Variants in BACH2 observed in about 807,000 individuals in gnomAD.
The protein encoded by BACH2 is transcription regulator protein BACH2.
A neutral mutation model predicts 61.8 loss-of-function variants in BACH2; 5 were observed. That is an observed-to-expected ratio of 0.08 (90% CI 0.04 to 0.17). BACH2 has a LOEUF of 0.17. BACH2 is among the 10% of genes least tolerant of loss of function. The pLI is 1.00. For missense variants in BACH2, 824 were observed against 1,091.1 expected (o/e 0.76, Z 3.45); for synonymous variants, 446 against 440.1 (o/e 1.01, Z -0.17).
intron 5 of BACH2, among the ~76,000 whole-genome samples, chr6:90,041,344 T>G (rs991817711): frequency 6.6e-6 from 1 of 151,714 alleles, no homozygotes; most frequent in South Asian, 2.1e-4. Flanking sequence ...CCATCACTTC[T>G]GATTTTATAA....
At chr6:90,175,484 A>G (rs990859751) in intron 4 of BACH2, among the ~76,000 whole-genome samples, 1 of 152,192 alleles carries the variant, frequency 6.6e-6, no homozygotes, top group East Asian at 1.9e-4. Context: ...AAATGTCAAA[A>G]AGGCTTGACT....
At position 90,080,875 on chromosome 6, in the gene BACH2, A is replaced by T. The variant is rs912031169; in HGVS notation, c.-13+8086T>A. ...GCGCGGTACTCGAGCAGCTCTGATG[A>T]GATGTCTCAGAAAATCTTTTTTGGG... On this transcript the variant is annotated intron_variant, in intron 5 of 8. Transcript: ENST00000257749. 4.5e-6 allele frequency: 3 copies of T among 661,100 alleles called. No homozygotes were observed. In the African/African-American group the frequency reaches 5.9e-5, roughly 13 times the overall value. The allele number at this position is 661,100 out of a possible 1,614,324, so 41.0% of individuals were successfully genotyped here.
intron 4 of BACH2, among the ~76,000 whole-genome samples, chr6:90,130,000 G>A (rs1161361894): frequency 1.3e-5 from 2 of 152,124 alleles, no homozygotes; most frequent in East Asian, 1.9e-4. Flanking sequence ...CTCCCGAGTA[G>A]CTGGGATTAC....
rs114169923 is a variant in BACH2, at chr6:90,191,551, C to T, written c.-162+15018G>A. Among the ~76,000 whole-genome samples, 607 of 152,252 alleles carry T rather than the reference C, an allele frequency of 4.0e-3. 4 individuals are homozygous for T. The highest frequency in any genetic ancestry group is 0.013 in the African/African-American group (550 of 41,552). ...ATACGCTTAGGACATTCCAATGTGA[C>T]GGAATGGAAACGTGCATGGATTTTG... On this transcript the variant is annotated intron_variant, in intron 4 of 8. Coordinates refer to ENST00000257749, the MANE Select transcript of BACH2 (RefSeq NM_021813.4).
intron 2 of BACH2, among the ~76,000 whole-genome samples, chr6:90,268,862 G>C (rs1771429404): frequency 6.6e-6 from 1 of 152,006 alleles, no homozygotes; most frequent in Admixed American, 6.6e-5. Flanking sequence ...TATGAAAAAA[G>C]ATACTAAATA....
At chr6:90,233,909 A>G (rs1770179140) in intron 3 of BACH2, among the ~76,000 whole-genome samples, 1 of 152,172 alleles carries the variant, frequency 6.6e-6, no homozygotes, top group Non-Finnish European at 1.5e-5. Context: ...TAGCCTTGGG[A>G]TAGAATTATC....
chr6:90,238,217 A>G (rs1233153328), intron 3 of BACH2, among the ~76,000 whole-genome samples: 1 of 152,184 alleles, frequency 6.6e-6, no homozygotes, highest in Admixed American at 6.5e-5. Context: ...GTTCTCTCTT[A>G]TCGATCGATC....
chr6:90,185,664 C>T (rs150718267), intron 4 of BACH2, among the ~76,000 whole-genome samples: 4 of 152,170 alleles, frequency 2.6e-5, no homozygotes, highest in South Asian at 2.1e-4. Flanking sequence ...GTGGATGAAA[C>T]GACATCTGAT....
rs116917379 is a variant in BACH2, at chr6:90,029,118, C to G, written c.-12-20262G>C. Among the ~76,000 whole-genome samples, 468 of 152,282 alleles carry G rather than the reference C, an allele frequency of 3.1e-3. 16 individuals are homozygous for G. In the East Asian group the frequency reaches 0.083, roughly 27 times the overall value. ...CCTGCCCACCTAACACCCAGACTCTCCCGGCCTGCTTCCTATCTCTGGAAA... is the reference window on the plus strand; with the variant it reads ...CCTGCCCACCTAACACCCAGACTCTGCCGGCCTGCTTCCTATCTCTGGAAA... On this transcript the variant is annotated intron_variant, in intron 5 of 8. Coordinates refer to ENST00000257749, the MANE Select transcript of BACH2 (RefSeq NM_021813.4).
At chr6:90,132,895 C>T (rs1332043972) in intron 4 of BACH2, among the ~76,000 whole-genome samples, 1 of 152,176 alleles carries the variant, frequency 6.6e-6, no homozygotes, top group Non-Finnish European at 1.5e-5. Context: ...CTTTTCCCAC[C>T]CAAAGTGCCC....
chr6:90,077,434 T>C (rs1045318864), intron 5 of BACH2, among the ~76,000 whole-genome samples: 5 of 152,152 alleles, frequency 3.3e-5, no homozygotes, highest in Admixed American at 2.0e-4. Context: ...GAAAGCAGCA[T>C]TGTCTGGAGA....
chr6:90,003,000 C>T lies in BACH2; in HGVS notation c.243+5602G>A, dbSNP rs951066650. ...TTCAAAATATCACCAGAATCTGACA[C>T]CAACCACCATGTCACTGCTATCACC... On this transcript the variant is annotated intron_variant, in intron 6 of 8. Transcript: ENST00000257749. Among the ~76,000 whole-genome samples the T allele has an allele frequency of 3.9e-5, 6 of 152,300 alleles. 1 individual carries two copies.
At chr6:90,084,520 C>T (rs1184040084) in intron 5 of BACH2, among the ~76,000 whole-genome samples, 3 of 148,516 alleles carry the variant, frequency 2.0e-5, no homozygotes, top group African/African-American at 7.4e-5. Flanking sequence ...TTCTCCTCTA[C>T]AAAAATCTTT....
intron 2 of BACH2, among the ~76,000 whole-genome samples, chr6:90,269,828 C>A (rs983006847): frequency 6.6e-6 from 1 of 152,122 alleles, no homozygotes. Context: ...ACACGCTGGG[C>A]AGCTGTGTGA....
chr6:89,978,954 T>C (rs1775804975), intron 6 of BACH2, among the ~76,000 whole-genome samples: 2 of 151,852 alleles, frequency 1.3e-5, no homozygotes, highest in Admixed American at 1.3e-4. Context: ...TCCGAGGGGG[T>C]TGGTGGAGAA....
intron 4 of BACH2, among the ~76,000 whole-genome samples, chr6:90,129,931 G>A (rs1279059193): frequency 1.3e-5 from 2 of 151,990 alleles, no homozygotes; most frequent in Non-Finnish European, 2.9e-5. Flanking sequence ...ATGCAGTGGC[G>A]CGATCTCAGC....
chr6:90,079,411 A>G (rs1407601110), intron 5 of BACH2, among the ~76,000 whole-genome samples: 2 of 152,184 alleles, frequency 1.3e-5, no homozygotes, highest in Admixed American at 6.5e-5. Context: ...GGATGTTGTA[A>G]AACTGCATTT....
chr6:90,120,698 T>C (rs1783586254), intron 4 of BACH2, among the ~76,000 whole-genome samples: 1 of 152,192 alleles, frequency 6.6e-6, no homozygotes, highest in African/African-American at 2.4e-5. Context: ...AGAAAGTCTT[T>C]TAACCAATGG....
chr6:90,072,407 C>A (rs1582311192), intron 5 of BACH2, among the ~76,000 whole-genome samples: 1 of 152,270 alleles, frequency 6.6e-6, no homozygotes, highest in South Asian at 2.1e-4. Flanking sequence ...ATCTGTTTTT[C>A]CCTTCAATGC....
Sources: allele counts gnomAD v4.1 joint callset (sites outside exome capture counted in the v4.1 genomes callset), GRCh38; gene constraint gnomAD v4.1.1; transcripts MANE v1.5; gene names NCBI Gene and HGNC (gene_info 2026-07-23, HGNC 2026-07-21).